The following TIAM2 variants were observed in gnomAD, a reference collection of about 807,000 sequenced individuals.
TIAM2 encodes the protein TIAM Rac1 associated GEF 2.
TIAM2 carries 80 observed loss-of-function variants against 152.9 expected under a neutral mutation model. The observed-to-expected ratio is 0.52, with a 90% CI of 0.44 to 0.63. The LOEUF is 0.63. TIAM2 is among the 30% of genes least tolerant of loss of function. The pLI is 0.00. For synonymous variants in TIAM2, 804 were observed against 838.0 expected, an observed-to-expected ratio of 0.96 and a Z score of 0.70; for missense variants, 1,965 against 2,120.1, an observed-to-expected ratio of 0.93 and a Z score of 1.44.
At chr6:155,115,632 G>C (rs908556120) in intron 2 of TIAM2, among the ~76,000 whole-genome samples, 8 of 152,196 alleles carry the variant, frequency 5.3e-5, no homozygotes, top group African/African-American at 1.9e-4. Context: ...CAGCCTGCGT[G>C]ATAGAGCAAG....
At chr6:155,047,394 G>A (rs1777200184) in intron 1 of TIAM2, among the ~76,000 whole-genome samples, 4 of 152,080 alleles carry the variant, frequency 2.6e-5, no homozygotes, top group African/African-American at 9.7e-5. Flanking sequence ...TGGTCAGGCT[G>A]GTCTCGAACT....
intron 1 of TIAM2, among the ~76,000 whole-genome samples, chr6:155,062,506 T>A (rs1315097905): frequency 7.9e-6 from 1 of 126,776 alleles, no homozygotes; most frequent in Non-Finnish European, 1.9e-5. Context: ...TATTTTATTT[T>A]ATTATTTTTG....
At chr6:155,113,794 T>C (rs1201664970) in intron 2 of TIAM2, among the ~76,000 whole-genome samples, 2 of 151,852 alleles carry the variant, frequency 1.3e-5, no homozygotes, top group Non-Finnish European at 2.9e-5. Context: ...AGAGCAGGGA[T>C]ACTTCTTTGG....
intron 1 of TIAM2, among the ~76,000 whole-genome samples, chr6:155,028,661 A>C (rs1445274001): frequency 7.5e-6 from 1 of 133,948 alleles, no homozygotes; most frequent in Non-Finnish European, 1.5e-5. Flanking sequence ...CATATAATAT[A>C]TATACTGTGT....
chr6:155,223,538 T>C (rs1782132006), intron 15 of TIAM2, among the ~76,000 whole-genome samples: 1 of 151,212 alleles, frequency 6.6e-6, no homozygotes, highest in South Asian at 2.1e-4. Flanking sequence ...TTTTTTTTTT[T>C]TTTTTTACTC....
At chr6:155,123,086 C>T (rs1392460839) in intron 2 of TIAM2, among the ~76,000 whole-genome samples, 1 of 152,048 alleles carries the variant, frequency 6.6e-6, no homozygotes, top group Non-Finnish European at 1.5e-5. Flanking sequence ...TCAAATTCCT[C>T]AGGGACAATA....
intron 15 of TIAM2, among the ~76,000 whole-genome samples, chr6:155,228,227 C>T (rs1347680205): frequency 6.6e-6 from 1 of 152,168 alleles, no homozygotes; most frequent in Non-Finnish European, 1.5e-5. Context: ...ATTTTGTCCT[C>T]AGTTTTCTGT....
intron 19 of TIAM2, among the ~76,000 whole-genome samples, chr6:155,246,280 A>G (rs981545964): frequency 1.3e-5 from 2 of 152,090 alleles, no homozygotes; most frequent in Non-Finnish European, 2.9e-5. Context: ...GTGCTCATTC[A>G]TGTCCACGGA....
At chr6:155,201,063 A>G (rs1418825184) in intron 14 of TIAM2, among the ~76,000 whole-genome samples, 7 of 152,212 alleles carry the variant, frequency 4.6e-5, no homozygotes, top group African/African-American at 1.7e-4. Flanking sequence ...TGAAAATACA[A>G]TGTGTAACCT....
At chr6:155,163,198 C>T (rs1780320862) in intron 7 of TIAM2, among the ~76,000 whole-genome samples, 1 of 152,144 alleles carries the variant, frequency 6.6e-6, no homozygotes, top group Admixed American at 6.5e-5. Flanking sequence ...ACTGGTGCAC[C>T]TGAAATAACC....
chr6:155,104,981 G>A (rs936381373), intron 2 of TIAM2, among the ~76,000 whole-genome samples: 8 of 152,188 alleles, frequency 5.3e-5, no homozygotes, highest in Admixed American at 5.2e-4. Flanking sequence ...TTTTGAGATA[G>A]GGTCTCAGTC....
chr6:155,086,791 C>T (rs936829044), intron 1 of TIAM2, among the ~76,000 whole-genome samples: 1 of 151,482 alleles, frequency 6.6e-6, no homozygotes, highest in Non-Finnish European at 1.5e-5. Flanking sequence ...CAAGTTATGG[C>T]GATATGATGG....
intron 1 of TIAM2, among the ~76,000 whole-genome samples, chr6:155,031,402 A>G (rs761152913): frequency 6.6e-6 from 1 of 152,112 alleles, no homozygotes; most frequent in Non-Finnish European, 1.5e-5. Context: ...AGCTGTCTCA[A>G]ATTGCAAAAG....
intron 1 of TIAM2, among the ~76,000 whole-genome samples, chr6:155,052,644 TA>T (rs1387451788): frequency 6.6e-6 from 1 of 151,912 alleles, no homozygotes; most frequent in Non-Finnish European, 1.5e-5. Flanking sequence ...TGCGTGCCTG[TA>T]ATCCCAGCGA....
At position 155,218,972 on chromosome 6, in the gene TIAM2, G is replaced by A. The variant is rs905235669; in HGVS notation, c.3168+7665G>A. Among the ~76,000 whole-genome samples the A allele has an allele frequency of 5.2e-5, 7 of 135,002 alleles. No homozygotes were observed. Among genetic ancestry groups the A allele is most frequent in the African/African-American group, 1.7e-4 (6 of 35,120 alleles). The allele number at this position is 135,002 out of a possible 152,430, so 88.6% of individuals were successfully genotyped here. A position where few individuals can be genotyped will look rare whatever the true frequency, so the allele number is the denominator to read the frequency against. On this transcript the variant is annotated intron_variant, in intron 15 of 26. Coordinates refer to ENST00000682666, the MANE Select transcript of TIAM2 (RefSeq NM_012454.4). This position sits in a 1 kb window ranked among gnomAD's most constrained non-coding sequence, Gnocchi z 4.5. ...ACCCGTGTTCTTGACCATCTCAGCCGCCCACCCGTGTTCTTGACCATCTCA... is the reference window on the plus strand; with the variant it reads ...ACCCGTGTTCTTGACCATCTCAGCCACCCACCCGTGTTCTTGACCATCTCA...
chr6:155,029,248 A>G (rs1256268135), intron 1 of TIAM2, among the ~76,000 whole-genome samples: 1 of 108,498 alleles, frequency 9.2e-6, no homozygotes, highest in Non-Finnish European at 1.9e-5. Context: ...TATACACTAT[A>G]TGTACTATGT....
At chr6:155,119,642 A>G (rs1224203764) in intron 2 of TIAM2, among the ~76,000 whole-genome samples, 1 of 152,232 alleles carries the variant, frequency 6.6e-6, no homozygotes, top group Non-Finnish European at 1.5e-5. Flanking sequence ...TCCAGCCAAC[A>G]ATGACTTTTC....
intron 21 of TIAM2, chr6:155,250,544 G>C (rs780595484): frequency 1.3e-6 from 2 of 1,535,896 alleles, no homozygotes; most frequent in Non-Finnish European, 8.7e-7. Context: ...TCAGCAGCCC[G>C]AATGGAGCTC....
chr6:155,240,417 G>A lies in TIAM2; in HGVS notation c.3169-113G>A, dbSNP rs576061152. Reference sequence around the variant, plus strand: ...ATGAAACCCTTTGCCCTACACAGAGGCCCCTCTGAGATCCCTGCTGAGCAC... The same window carrying A: ...ATGAAACCCTTTGCCCTACACAGAGACCCCTCTGAGATCCCTGCTGAGCAC... On this transcript the variant is annotated intron_variant, in intron 15 of 26. Transcript: ENST00000682666. 2.7e-4 allele frequency: 309 copies of A among 1,137,056 alleles called. 1 individual carries two copies. In the South Asian group the frequency reaches 5.1e-3, roughly 19 times the overall value. 70.4% of individuals were successfully genotyped at this position (1,137,056 alleles called of 1,614,324 possible).
Sources: allele counts gnomAD v4.1 joint callset (sites outside exome capture counted in the v4.1 genomes callset), GRCh38; gene constraint gnomAD v4.1.1; non-coding constraint Gnocchi (gnomAD v3.1); transcripts MANE v1.5; gene names NCBI Gene and HGNC (gene_info 2026-07-23, HGNC 2026-07-21).